The following ELOVL6 variants were observed in gnomAD, a reference collection of about 807,000 sequenced individuals.
The protein encoded by ELOVL6 is very long chain fatty acid elongase 6.
ELOVL6 carries 8 observed loss-of-function variants against 31.7 expected under a neutral mutation model. That is an observed-to-expected ratio of 0.25 (90% CI 0.15 to 0.45). The LOEUF (loss-of-function observed/expected upper bound fraction) is 0.45. Among genes scored for constraint, ELOVL6 ranks in the 20% least tolerant of loss-of-function variants. The probability of loss-of-function intolerance (pLI) is 1.00; values close to 1 mark genes in which losing one functional copy is unlikely to be tolerated. For synonymous variants in ELOVL6, 101 were observed against 117.7 expected, an observed-to-expected ratio of 0.86 and a Z score of 0.92; for missense variants, 126 against 326.4, an observed-to-expected ratio of 0.39 and a Z score of 4.73.
chr4:110,169,565 A>T (rs892555738), intron 1 of ELOVL6, among the ~76,000 whole-genome samples: 1 of 151,864 alleles, frequency 6.6e-6, no homozygotes, highest in Non-Finnish European at 1.5e-5. Context: ...GTCTTTAAAT[A>T]AGTATTATTC....
chr4:110,132,664 C>G (rs1027732978), intron 1 of ELOVL6, among the ~76,000 whole-genome samples: 1 of 151,566 alleles, frequency 6.6e-6, no homozygotes, highest in Non-Finnish European at 1.5e-5. Context: ...CCCAAAAATA[C>G]AAAAATTCAA....
At chr4:110,139,758 G>A (rs1455100219) in intron 1 of ELOVL6, among the ~76,000 whole-genome samples, 2 of 151,934 alleles carry the variant, frequency 1.3e-5, no homozygotes, top group Non-Finnish European at 2.9e-5. Context: ...TCATTCGACA[G>A]GTACCACCCT....
intron 2 of ELOVL6, among the ~76,000 whole-genome samples, chr4:110,060,260 C>G (rs912782894): frequency 6.6e-5 from 10 of 152,176 alleles, no homozygotes; most frequent in African/African-American, 2.4e-4. Context: ...CCTTGGATTT[C>G]TCCAGCAGTC....
In ELOVL6 at chr4:110,050,741, T is replaced by C. The variant is rs970235325; in HGVS notation, c.*597A>G. 9 of 153,556 alleles carry C rather than the reference T, an allele frequency of 5.9e-5. No homozygotes were observed. The highest frequency in any genetic ancestry group is 9.6e-5 in the African/African-American group (4 of 41,476). 9.5% of individuals were successfully genotyped at this position (153,556 alleles called of 1,614,324 possible). ...GTTAGTTGAAATATAGTTGTTTACA[T>C]CTGTTTTCATAAGGATGATTAAGAC... is the stretch of plus-strand genomic sequence containing the variant. On this transcript the variant is annotated 3_prime_UTR_variant, in exon 4 of 4. Coordinates refer to ENST00000302274, the MANE Select transcript of ELOVL6 (RefSeq NM_024090.3).
intron 1 of ELOVL6, among the ~76,000 whole-genome samples, chr4:110,170,376 AT>A (rs1758908463): frequency 6.6e-6 from 1 of 152,222 alleles, no homozygotes; most frequent in Non-Finnish European, 1.5e-5. Context: ...ATTACTAAGA[AT>A]TCATACTTAT....
chr4:110,139,630 C>T (rs1289519747), intron 1 of ELOVL6, among the ~76,000 whole-genome samples: 2 of 152,158 alleles, frequency 1.3e-5, no homozygotes, highest in African/African-American at 4.8e-5. Flanking sequence ...TTCCTCTTCT[C>T]ATCAACAGTG....
At chr4:110,107,028 T>C (rs1481570665) in intron 1 of ELOVL6, among the ~76,000 whole-genome samples, 1 of 152,202 alleles carries the variant, frequency 6.6e-6, no homozygotes, top group Non-Finnish European at 1.5e-5. Context: ...AGGAAAGGGT[T>C]GAGAAATAAG....
chr4:110,139,055 T>A (rs1757882968), intron 1 of ELOVL6, among the ~76,000 whole-genome samples: 1 of 152,154 alleles, frequency 6.6e-6, no homozygotes, highest in Non-Finnish European at 1.5e-5. Context: ...TCTTGCAGGG[T>A]TGAAGATTGT....
intron 1 of ELOVL6, among the ~76,000 whole-genome samples, chr4:110,174,874 C>T (rs114657694): frequency 0.031 from 4,722 of 152,118 alleles, 89 homozygotes; most frequent in Middle Eastern, 0.065. Context: ...CCTAATTATT[C>T]TTATAGAGTG....
intron 2 of ELOVL6, among the ~76,000 whole-genome samples, chr4:110,084,387 C>CATATATG (rs1220272995): frequency 1.4e-5 from 1 of 69,450 alleles, no homozygotes; most frequent in East Asian, 3.8e-4. Context: ...ATATATATCG[C>CATATATG]ATATATGATA....
chr4:110,130,894 T>G (rs1055264519), intron 1 of ELOVL6, among the ~76,000 whole-genome samples: 7 of 152,216 alleles, frequency 4.6e-5, no homozygotes, highest in Non-Finnish European at 1.0e-4. Flanking sequence ...TTTAAATGCA[T>G]ACAAACATAG....
intron 2 of ELOVL6, among the ~76,000 whole-genome samples, chr4:110,065,335 C>A (rs1047661090): frequency 6.6e-6 from 1 of 152,140 alleles, no homozygotes; most frequent in Non-Finnish European, 1.5e-5. Context: ...TAAAACCAGG[C>A]TTTGGGCTGG....
intron 1 of ELOVL6, among the ~76,000 whole-genome samples, chr4:110,125,310 T>A (rs1394681552): frequency 6.6e-6 from 1 of 152,096 alleles, no homozygotes; most frequent in Non-Finnish European, 1.5e-5. Context: ...GTTTCAAAGA[T>A]AAGATATTGT....
chr4:110,120,006 G>A (rs1184334457), intron 1 of ELOVL6, among the ~76,000 whole-genome samples: 1 of 152,200 alleles, frequency 6.6e-6, no homozygotes, highest in Admixed American at 6.5e-5. Flanking sequence ...TTTCTTCAGA[G>A]TTTCAAAAGG....
intron 1 of ELOVL6, among the ~76,000 whole-genome samples, chr4:110,107,754 A>G (rs183486949): frequency 1.7e-3 from 254 of 152,334 alleles, no homozygotes; most frequent in African/African-American, 5.8e-3. Context: ...TGTAGGTGAT[A>G]GTAATCTGAA....
chr4:110,086,193 C>T (rs768784366), intron 2 of ELOVL6, among the ~76,000 whole-genome samples: 3 of 152,118 alleles, frequency 2.0e-5, no homozygotes, highest in Non-Finnish European at 4.4e-5. Context: ...TGACCTGTCT[C>T]AGTTATGTAA....
Position 110,131,893 on chromosome 4 carries a change from A to C in ELOVL6, c.90-26265T>G, listed in dbSNP as rs576558153. On this transcript the variant is annotated intron_variant, in intron 1 of 3. Coordinates refer to ENST00000302274, the MANE Select transcript of ELOVL6 (RefSeq NM_024090.3). ...GAATGGTATGAAGAGGATAGGGGAA[A>C]AAAATAAAGAGAAGGACAGAAATTC... Among the ~76,000 whole-genome samples, 7 of 152,302 alleles carry C rather than the reference A, an allele frequency of 4.6e-5. No individual in the cohort carries two copies. In the East Asian group the frequency reaches 1.2e-3, roughly 25 times the overall value.
intron 1 of ELOVL6, among the ~76,000 whole-genome samples, chr4:110,151,217 A>AT (rs1318357162): frequency 2.7e-3 from 390 of 144,892 alleles, no homozygotes; most frequent in African/African-American, 4.9e-3. Flanking sequence ...CAGATTTCAG[A>AT]TTTTTTTTTT....
chr4:110,195,881 T>C (rs1318505766), intron 1 of ELOVL6, among the ~76,000 whole-genome samples: 5 of 152,166 alleles, frequency 3.3e-5, no homozygotes. Flanking sequence ...CCTGAAGAGC[T>C]GATGGTCTGT....
Sources: gnomAD v4.1 joint callset for allele counts (sites outside exome capture counted in the v4.1 genomes callset) on GRCh38, gnomAD v4.1.1 for gene constraint, MANE v1.5 for transcripts, NCBI Gene and HGNC (gene_info 2026-07-23, HGNC 2026-07-21) for gene names.